Variants in EMILIN3 observed in about 807,000 individuals in gnomAD.
EMILIN3 encodes elastin microfibril interfacer 3, also known as EMILIN-3.
EMILIN3 carries 38 observed loss-of-function variants against 42.8 expected under a neutral mutation model. The observed-to-expected ratio is 0.89, with a 90% CI of 0.69 to 1.16. EMILIN3 has a LOEUF of 1.16. Among genes scored for constraint, EMILIN3 ranks in the 50% most tolerant of loss-of-function variants. The pLI, the probability that EMILIN3 is intolerant of heterozygous loss-of-function variation, is 0.00. For missense variants in EMILIN3, 924 were observed against 999.5 expected, an observed-to-expected ratio of 0.92 and a Z score of 1.02; for synonymous variants, 430 against 440.5, an observed-to-expected ratio of 0.98 and a Z score of 0.30.
At position 41,362,013 on chromosome 20, in the gene EMILIN3, G is replaced by A. The variant is rs756658858; in HGVS notation, c.1556C>T (p.Thr519Ile). 4 of 1,611,638 alleles carry A rather than the reference G, an allele frequency of 2.5e-6. No homozygotes were observed. In the African/African-American group the frequency reaches 4.0e-5, roughly 16 times the overall value. The change falls in exon 4 of 4, where the codon ACT (threonine) becomes ATT (isoleucine). Residue 519 changes from threonine (T) to isoleucine (I), a missense_variant. By Grantham distance (89) the Thr-to-Ile change is moderately conservative. Coordinates refer to ENST00000332312, the MANE Select transcript of EMILIN3 (RefSeq NM_052846.2). ...VLEQRLVSLE[T>I]SCTPSTTSAI... ...TGAGGTGGTGCTCGGGGTGCACGAA[G>A]TCTCCAGTGAGACCAACCGTTGCTC...
rs781097112 is a variant in EMILIN3 at position 41,363,693 on chromosome 20, C to T, written c.459G>A (p.Gln153=). ...LEPEPQIPSG[Q]LDPGPRPPSY... ...AAGGGGGCCTGGGGCCTGGGTCCAG[C>T]TGCCCTGAAGGAATCTGAGGCTCAG... Residue 153 remains glutamine (Q), a synonymous_variant, in exon 3 of 4, where the codon CAG becomes CAA. Transcript: ENST00000332312. The T allele has an allele frequency of 4.3e-6, 7 of 1,613,782 alleles. No individual in the cohort carries two copies. In the East Asian group the frequency reaches 1.1e-4, roughly 26 times the overall value.
rs2046388048 is a variant in EMILIN3 at position 41,365,261 on chromosome 20, C to T, written c.168-104G>A. 4 of 1,472,598 alleles carry T rather than the reference C, an allele frequency of 2.7e-6. No individual in the cohort carries two copies. In the Admixed American group the frequency reaches 8.5e-5, roughly 31 times the overall value. 91.2% of individuals were successfully genotyped at this position (1,472,598 alleles called of 1,614,324 possible). On this transcript the variant is annotated intron_variant, in intron 1 of 3. Transcript: ENST00000332312. ...TGGGCCTCAGCAGGACTCCAAACTCCCATGTCTCTTCTGTCTGTTCTCTGT... is the reference window on the plus strand; with the variant it reads ...TGGGCCTCAGCAGGACTCCAAACTCTCATGTCTCTTCTGTCTGTTCTCTGT...
Position 41,360,843 on chromosome 20 carries a change from T to C in EMILIN3, c.*425A>G, listed in dbSNP as rs1014328481. 1.0e-5 allele frequency: 2 copies of C among 197,078 alleles called. No individual in the cohort carries two copies. The highest frequency in any genetic ancestry group is 1.3e-4 in the East Asian group (1 of 7,714). The allele number at this position is 197,078 out of a possible 1,614,324, so 12.2% of individuals were successfully genotyped here. On this transcript the variant is annotated 3_prime_UTR_variant, in exon 4 of 4. Transcript: ENST00000332312. ...GGACAGGCCACTGGCTGTGGGCCTG[T>C]AGGTCTCTGCACAGTTGCTGAGGCT...
rs149094262 is a variant in EMILIN3, at chr20:41,361,626, T to A, written c.1943A>T (p.His648Leu). 2.1e-4 allele frequency: 336 copies of A among 1,609,002 alleles called. No homozygotes were observed. Among genetic ancestry groups the A allele is most frequent in the Non-Finnish European group, 2.7e-4 (317 of 1,178,554 alleles). ...CCCACGCAGGTTCAGGACCTGCCTG[T>A]GGCCAGCCTGAAGCCTGGAGCCTTG... Reference protein sequence around the residue: ...SSQGSRLQAGHRQVLNLRGEL... With the variant: ...SSQGSRLQAGLRQVLNLRGEL... The change falls in exon 4 of 4, where the codon CAC (histidine) becomes CTC (leucine). Residue 648 changes from histidine to leucine, a missense_variant. By Grantham distance (99) the His-to-Leu change is moderately conservative. Transcript: ENST00000332312.
chr20:41,365,231 A>C, intron 1 of EMILIN3, 74 bp from the exon 2 acceptor site: 1 of 1,569,554 alleles, frequency 6.4e-7, no homozygotes. Context: ...TCCCACCTCC[A>C]TCTGTGGGCC....
At chr20:41,364,971 G>A in intron 2 of EMILIN3, 64 bp downstream of exon 2, 1 of 1,603,646 alleles carries the variant, frequency 6.2e-7, no homozygotes, top group Non-Finnish European at 8.5e-7. Flanking sequence ...GCTGCTCTCA[G>A]CTGAAGGCAG....
At position 41,361,722 on chromosome 20, in the gene EMILIN3, T is replaced by C; in HGVS notation, c.1847A>G (p.Asn616Ser). 6.2e-7 allele frequency: 1 copy of C among 1,612,904 alleles called. No individual in the cohort carries two copies. The highest frequency in any genetic ancestry group is 8.5e-7 in the Non-Finnish European group (1 of 1,179,470). Residue 616 changes from asparagine to serine, a missense_variant, in exon 4 of 4, where the codon AAC (asparagine) becomes AGC (serine). Coordinates refer to ENST00000332312, the MANE Select transcript of EMILIN3 (RefSeq NM_052846.2). ...GCGTTCCCGCTCATCCAGGGACGTGTTGGCAGCCAAGAAGGCATCAGAGTA... is the reference window on the plus strand; with the variant it reads ...GCGTTCCCGCTCATCCAGGGACGTGCTGGCAGCCAAGAAGGCATCAGAGTA... ...SQYSDAFLAA[N>S]TSLDERERKV...
intron 3 of EMILIN3, 38 bp from the exon 4 acceptor site, chr20:41,363,092 C>A: frequency 6.8e-7 from 1 of 1,462,270 alleles, no homozygotes; most frequent in Non-Finnish European, 9.1e-7. Context: ...CATCACTGGC[C>A]TCACCCTCTC....
At position 41,362,798 on chromosome 20, in the gene EMILIN3, C is replaced by G. The variant is rs2046372881; in HGVS notation, c.771G>C (p.Glu257Asp). 6.2e-7 allele frequency: 1 copy of G among 1,614,200 alleles called. No individual in the cohort carries two copies. The change falls in exon 4 of 4, where the codon GAG (glutamate) becomes GAC (aspartate). Residue 257 changes from glutamate (E) to aspartate (D), a missense_variant. Coordinates refer to ENST00000332312, the MANE Select transcript of EMILIN3 (RefSeq NM_052846.2). ...CCTTGGTCTGAAGAGTGTTGCTCACCTCTGTCACCTTGCTTAGGATCTCGT... is the reference window on the plus strand; with the variant it reads ...CCTTGGTCTGAAGAGTGTTGCTCACGTCTGTCACCTTGCTTAGGATCTCGT... ...PLDEILSKVT[E>D]VSNTLQTKVQ...
chr20:41,366,294 C>T lies in EMILIN3; in HGVS notation c.167+174G>A, dbSNP rs1259872237. Among the ~76,000 whole-genome samples, 2 of 151,882 alleles carry T rather than the reference C, an allele frequency of 1.3e-5. No individual in the cohort carries two copies. On this transcript the variant is annotated intron_variant, in intron 1 of 3. Coordinates refer to ENST00000332312, the MANE Select transcript of EMILIN3 (RefSeq NM_052846.2). This position sits in a 1 kb window ranked among gnomAD's most constrained non-coding sequence, Gnocchi z 4.2. ...TTTCCTCGCCAGCCCCGCAACCTCCCGGAGCGTAGGGCGCTCGCCTGGGCA... is the reference window on the plus strand; with the variant it reads ...TTTCCTCGCCAGCCCCGCAACCTCCTGGAGCGTAGGGCGCTCGCCTGGGCA...
chr20:41,363,622 C>G lies in EMILIN3; in HGVS notation c.514+16G>C, dbSNP rs768590166. 6.3e-7 allele frequency: 1 copy of G among 1,594,938 alleles called. No individual in the cohort carries two copies. Among genetic ancestry groups the G allele is most frequent in the Admixed American group, 1.7e-5 (1 of 59,460 alleles). ...GAAACCCAATCACCTTGGAGGGTCT[C>G]CTTGGGCAGACTCACCATGAGGGCT... On this transcript the variant is annotated intron_variant, in intron 3 of 3. Transcript: ENST00000332312.
Position 41,366,491 on chromosome 20 carries a change from CG to C in EMILIN3, c.143del (p.Pro48ArgfsTer20). 8.7e-7 allele frequency: 1 copy of C among 1,149,014 alleles called. No homozygotes were observed. The highest frequency in any genetic ancestry group is 3.9e-5 in the South Asian group (1 of 25,482). The allele number at this position is 1,149,014 out of a possible 1,614,324, so 71.2% of individuals were successfully genotyped here. On this transcript the variant is annotated frameshift_variant, in exon 1 of 4. Transcript: ENST00000332312. LOFTEE classifies it high-confidence loss of function. The surrounding 1 kb of genome is among the most constrained non-coding windows in gnomAD (Gnocchi z 4.2). ...ACTTGTGCGGCCCCGGGCGCAGCCG[CG>C]GGCGCCATCCCGTCGTGTAGAGACT... ...RYSLYTTGWR[P>X]RLRPGPHKAL...
Position 41,362,920 on chromosome 20 carries a change from G to A in EMILIN3, c.649C>T (p.Pro217Ser), listed in dbSNP as rs748079728. Reference sequence around the variant, plus strand: ...CCCACAGGGACAGCAGGAGCCCTGGGGCCACCAGTCATCCTGTTGGGATCC... The same window carrying A: ...CCCACAGGGACAGCAGGAGCCCTGGAGCCACCAGTCATCCTGTTGGGATCC... ...HEDPNRMTGGPRAPAVPVGFG... is the reference protein window; with the variant it reads ...HEDPNRMTGGSRAPAVPVGFG... The change falls in exon 4 of 4, where the codon CCC becomes TCC. Residue 217 changes from proline (P) to serine (S), a missense_variant. Coordinates refer to ENST00000332312, the MANE Select transcript of EMILIN3 (RefSeq NM_052846.2). The A allele has an allele frequency of 6.2e-7, 1 of 1,613,656 alleles. No individual in the cohort carries two copies. The highest frequency in any genetic ancestry group is 1.1e-5 in the South Asian group (1 of 91,076).
chr20:41,363,087 C>A, intron 3 of EMILIN3, 33 bp from the exon 4 acceptor site: 1 of 1,478,382 alleles, frequency 6.8e-7, no homozygotes, highest in African/African-American at 1.4e-5. Flanking sequence ...AGGGGCATCA[C>A]TGGCCTCACC....
chr20:41,362,507 G>C lies in EMILIN3; in HGVS notation c.1062C>G (p.Ser354Arg), dbSNP rs933746093. The C allele has an allele frequency of 1.3e-6, 2 of 1,599,470 alleles. No homozygotes were observed. Among genetic ancestry groups the C allele is most frequent in the Admixed American group, 1.7e-5 (1 of 59,860 alleles). ...GQAASRRLHQ[S>R]LDGRELALRQ... The stretch of plus-strand genomic sequence containing the variant: ...GCAGGGCCAGCTCCCGGCCATCAAG[G>C]CTCTGGTGCAGCCTCCGGCTGGCGG... The change falls in exon 4 of 4, where the codon AGC (serine) becomes AGG (arginine). Residue 354 changes from serine to arginine, a missense_variant. Transcript: ENST00000332312.
chr20:41,361,332 C>T lies in EMILIN3; in HGVS notation c.2237G>A (p.Arg746Gln), dbSNP rs754426868. The T allele has an allele frequency of 1.1e-5, 17 of 1,610,586 alleles. No individual in the cohort carries two copies. The highest frequency in any genetic ancestry group is 4.5e-5 in the East Asian group (2 of 44,782). ...GGCCTGGCAGTCCAGTAGGTCATCC[C>T]GGAGGCGGGCAATGTCCTGCGTGTG... ...AQHTQDIARL[R>Q]DDLLDCQAQL... Residue 746 changes from arginine (R) to glutamine (Q), a missense_variant, in exon 4 of 4, where the codon CGG becomes CAG. Transcript: ENST00000332312.
chr20:41,363,423 G>A (rs1052654983), intron 3 of EMILIN3, among the ~76,000 whole-genome samples: 3 of 152,214 alleles, frequency 2.0e-5, no homozygotes, highest in Non-Finnish European at 2.9e-5. Context: ...TTACAGGCAT[G>A]AGCCACCGCG....
intron 3 of EMILIN3, 111 bp from the exon 4 acceptor site, chr20:41,363,165 G>A: frequency 9.8e-7 from 1 of 1,023,922 alleles, no homozygotes; most frequent in Non-Finnish European, 1.4e-6. Flanking sequence ...TTTTGAGACA[G>A]AGTCTTGCTC....
chr20:41,361,100 A>G lies in EMILIN3; in HGVS notation c.*168T>C. 6 of 642,728 alleles carry G rather than the reference A, an allele frequency of 9.3e-6. No homozygotes were observed. Among genetic ancestry groups the G allele is most frequent in the Non-Finnish European group, 1.6e-5 (6 of 381,068 alleles). The allele number at this position is 642,728 out of a possible 1,614,324, so 39.8% of individuals were successfully genotyped here. A position where few individuals can be genotyped will look rare whatever the true frequency, so the allele number is the denominator to read the frequency against. ...CTGTCCAGTTTCTGCAGCACTGTGC[A>G]TGGGTTTTGGTGGCTGGGACAGCCA... On this transcript the variant is annotated 3_prime_UTR_variant, in exon 4 of 4. Coordinates refer to ENST00000332312, the MANE Select transcript of EMILIN3 (RefSeq NM_052846.2).
Sources: allele counts gnomAD v4.1 joint callset (sites outside exome capture counted in the v4.1 genomes callset), GRCh38; gene constraint gnomAD v4.1.1; non-coding constraint Gnocchi (gnomAD v3.1); transcripts MANE v1.5; gene names NCBI Gene and HGNC (gene_info 2026-07-23, HGNC 2026-07-21).